Variants in PLAG1 observed in about 807,000 individuals in gnomAD.
PLAG1 encodes zinc finger protein PLAG1.
PLAG1 carries 7 observed loss-of-function variants against 35.5 expected under a neutral mutation model. The observed-to-expected ratio is 0.20, with a 90% CI of 0.11 to 0.37. PLAG1 has a LOEUF of 0.37. PLAG1 is among the 10% of genes least tolerant of loss of function. PLAG1 has a pLI of 1.00. For missense variants in PLAG1, 454 were observed against 602.8 expected (o/e 0.75, Z 2.58); for synonymous variants, 229 against 225.4 (o/e 1.02, Z -0.14).
At chr8:56,191,506 C>T (rs1409702212) in intron 1 of PLAG1, among the ~76,000 whole-genome samples, 1 of 152,090 alleles carries the variant, frequency 6.6e-6, no homozygotes, top group East Asian at 1.9e-4. Context: ...TTAGTATGCA[C>T]TGTAATTTCA....
chr8:56,187,914 A>C (rs1812069994), intron 1 of PLAG1, among the ~76,000 whole-genome samples: 2 of 152,260 alleles, frequency 1.3e-5, no homozygotes, highest in South Asian at 4.1e-4. Flanking sequence ...ACCGGAAGCC[A>C]GCAGTCAGTT....
chr8:56,198,302 G>A (rs1183535962), intron 1 of PLAG1, among the ~76,000 whole-genome samples: 1 of 152,222 alleles, frequency 6.6e-6, no homozygotes, highest in Admixed American at 6.5e-5. Context: ...GGGCCGGTGA[G>A]AAGGACGTGG....
At chr8:56,196,945 A>T (rs1429377793) in intron 1 of PLAG1, among the ~76,000 whole-genome samples, 7 of 84,200 alleles carry the variant, frequency 8.3e-5, no homozygotes, top group East Asian at 3.6e-4. Flanking sequence ...CTCCCTCCCT[A>T]GTGTGCGTGT....
chr8:56,162,390 T>C lies in PLAG1; in HGVS notation c.*3853A>G, dbSNP rs547676438. The C allele has an allele frequency of 4.5e-6, 1 of 223,990 alleles. No individual in the cohort carries two copies. Among genetic ancestry groups the C allele is most frequent in the African/African-American group, 2.2e-5 (1 of 44,928 alleles). The allele number at this position is 223,990 out of a possible 1,614,324, so 13.9% of individuals were successfully genotyped here. A position where few individuals can be genotyped will look rare whatever the true frequency, so the allele number is the denominator to read the frequency against. On this transcript the variant is annotated 3_prime_UTR_variant, in exon 5 of 5. Transcript: ENST00000316981. ...AAAAAAATAAACCATTGTAAAACCT[T>C]ATGAAAAGACACACACTGATTCTGT...
At chr8:56,210,895 A>G (rs1303034368) in intron 1 of PLAG1, among the ~76,000 whole-genome samples, 2 of 151,462 alleles carry the variant, frequency 1.3e-5, no homozygotes, top group Non-Finnish European at 2.9e-5. Context: ...CCCTGTCAGA[A>G]GCGACTTCGG....
At position 56,185,232 on chromosome 8, in the gene PLAG1, C is replaced by T. The variant is rs185324381; in HGVS notation, c.-321-5719G>A. Among the ~76,000 whole-genome samples the T allele has an allele frequency of 2.6e-3, 392 of 152,230 alleles. 2 individuals are homozygous for T. The highest frequency in any genetic ancestry group is 9.0e-3 in the African/African-American group (373 of 41,532). On this transcript the variant is annotated intron_variant, in intron 1 of 4. Coordinates refer to ENST00000316981, the MANE Select transcript of PLAG1 (RefSeq NM_002655.3). ...AGGTAGGATAGGGAGGGATCCATCA[C>T]AAAAGGCCATGAGCAAACTTTTAGA... is the stretch of plus-strand genomic sequence containing the variant.
At position 56,161,678 on chromosome 8, in the gene PLAG1, T is replaced by C; in HGVS notation, c.*4565A>G. On this transcript the variant is annotated 3_prime_UTR_variant, in exon 5 of 5. Transcript: ENST00000316981. ...TTGTTAATGACAAATTAAGTCACAG[T>C]ATAAAAATATATTGTACACTTTTAC... 2 of 227,540 alleles carry C rather than the reference T, an allele frequency of 8.8e-6. No homozygotes were observed. Among genetic ancestry groups the C allele is most frequent in the Non-Finnish European group, 1.8e-5 (2 of 114,104 alleles). The allele number at this position is 227,540 out of a possible 1,614,324, so 14.1% of individuals were successfully genotyped here.
rs34779318 is a variant in PLAG1, at chr8:56,163,210, C to CTT, written c.*3031_*3032dup. 0.024 allele frequency: 2,288 copies of CTT among 97,218 alleles called. 82 individuals are homozygous for CTT. Among genetic ancestry groups the CTT allele is most frequent in the African/African-American group, 0.046 (916 of 19,934 alleles). The allele number at this position is 97,218 out of a possible 1,614,324, so 6.0% of individuals were successfully genotyped here. ...AACTACTTTTATTTAATGTTAATCCCTTTTTTTTTTTTTTTTTTTTTTTTT... is the reference window on the plus strand; with the variant it reads ...AACTACTTTTATTTAATGTTAATCCCTTTTTTTTTTTTTTTTTTTTTTTTTTT... On this transcript the variant is annotated 3_prime_UTR_variant, in exon 5 of 5. Coordinates refer to ENST00000316981, the MANE Select transcript of PLAG1 (RefSeq NM_002655.3).
At chr8:56,196,538 C>A (rs910373534) in intron 1 of PLAG1, among the ~76,000 whole-genome samples, 1 of 152,066 alleles carries the variant, frequency 6.6e-6, no homozygotes, top group Non-Finnish European at 1.5e-5. Context: ...CCATTCAGAC[C>A]TGGCTCTATG....
chr8:56,182,376 A>G (rs1811896394), intron 1 of PLAG1, among the ~76,000 whole-genome samples: 1 of 152,250 alleles, frequency 6.6e-6, no homozygotes, highest in Non-Finnish European at 1.5e-5. Context: ...ATTCAAGCCA[A>G]GTTACTGGTT....
Position 56,164,283 on chromosome 8 carries a change from A to G in PLAG1, c.*1960T>C. On this transcript the variant is annotated 3_prime_UTR_variant, in exon 5 of 5. Transcript: ENST00000316981. ...ATATCAGGAGCCAAAGCTCCTTCAGAGAGCAACTTTGATTCTATGAAGTGC... is the reference window on the plus strand; with the variant it reads ...ATATCAGGAGCCAAAGCTCCTTCAGGGAGCAACTTTGATTCTATGAAGTGC... 4.6e-6 allele frequency: 1 copy of G among 216,538 alleles called. No homozygotes were observed. Among genetic ancestry groups the G allele is most frequent in the Non-Finnish European group, 9.3e-6 (1 of 107,330 alleles). 13.4% of individuals were successfully genotyped at this position (216,538 alleles called of 1,614,324 possible).
Position 56,166,063 on chromosome 8 carries a change from C to T in PLAG1, c.*180G>A. 1 of 391,810 alleles carries T rather than the reference C, an allele frequency of 2.6e-6. No homozygotes were observed. Among genetic ancestry groups the T allele is most frequent in the East Asian group, 3.7e-5 (1 of 26,714 alleles). 24.3% of individuals were successfully genotyped at this position (391,810 alleles called of 1,614,324 possible). A position where few individuals can be genotyped will look rare whatever the true frequency, so the allele number is the denominator to read the frequency against. On this transcript the variant is annotated 3_prime_UTR_variant, in exon 5 of 5. Transcript: ENST00000316981. ...AAATACCCAGGTAAACTTAACTGAA[C>T]ACAAATGGTTCCAAAGCTCAGTTTA...
Position 56,174,497 on chromosome 8 carries a change from C to T in PLAG1, c.-216-3308G>A, listed in dbSNP as rs145638733. 2.0e-5 allele frequency among the ~76,000 whole-genome samples: 3 copies of T among 152,186 alleles called. No individual in the cohort carries two copies. The East Asian group carries it at 5.8e-4, about 29-fold the overall frequency. ...CAGGAAAAAAACTATCTTATAAAAA[C>T]CTAAGAATGAAAAATCAACTGCAGA... On this transcript the variant is annotated intron_variant, in intron 2 of 4. Transcript: ENST00000316981.
chr8:56,200,301 T>C (rs1475689489), intron 1 of PLAG1, among the ~76,000 whole-genome samples: 3 of 152,284 alleles, frequency 2.0e-5, no homozygotes, highest in Non-Finnish European at 4.4e-5. Context: ...CAACTGAATA[T>C]AGAAAAAGGT....
At chr8:56,203,808 T>A (rs1442137721) in intron 1 of PLAG1, among the ~76,000 whole-genome samples, 2 of 152,042 alleles carry the variant, frequency 1.3e-5, no homozygotes, top group African/African-American at 4.8e-5. Context: ...AGTAAAATGC[T>A]ACCAACATTA....
At chr8:56,175,672 T>G (rs990054402) in intron 2 of PLAG1, among the ~76,000 whole-genome samples, 1 of 152,208 alleles carries the variant, frequency 6.6e-6, no homozygotes, top group Non-Finnish European at 1.5e-5. Context: ...AAAATTAGCC[T>G]TACTGATGTT....
rs137856188 is a variant in PLAG1 at position 56,162,314 on chromosome 8, T to C, written c.*3929A>G. ...AAGCAACTTGGGTGAACTGGTATTT[T>C]TTAACTTACGTACTGGGAAGACAGT... is the stretch of plus-strand genomic sequence containing the variant. On this transcript the variant is annotated 3_prime_UTR_variant, in exon 5 of 5. Transcript: ENST00000316981. The C allele has an allele frequency of 2.2e-4, 51 of 228,138 alleles. No homozygotes were observed. Among genetic ancestry groups the C allele is most frequent in the African/African-American group, 1.1e-3 (49 of 45,184 alleles). 14.1% of individuals were successfully genotyped at this position (228,138 alleles called of 1,614,324 possible).
chr8:56,173,764 A>C (rs1192070120), intron 2 of PLAG1, among the ~76,000 whole-genome samples: 5 of 152,124 alleles, frequency 3.3e-5, no homozygotes, highest in Admixed American at 6.5e-5. Flanking sequence ...GTACCAGAAG[A>C]AGCAATTTTT....
At chr8:56,188,193 C>T (rs948557556) in intron 1 of PLAG1, among the ~76,000 whole-genome samples, 2 of 152,180 alleles carry the variant, frequency 1.3e-5, no homozygotes, top group Non-Finnish European at 2.9e-5. Flanking sequence ...CCCCTTCTCT[C>T]GTCCTCCTGA....
Sources: gnomAD v4.1 joint callset for allele counts (sites outside exome capture counted in the v4.1 genomes callset) on GRCh38, gnomAD v4.1.1 for gene constraint, MANE v1.5 for transcripts, NCBI Gene and HGNC (gene_info 2026-07-23, HGNC 2026-07-21) for gene names.